Variants in STX8 observed in about 807,000 individuals in gnomAD.
STX8 encodes the protein syntaxin 8, also known as syntaxin-8.
In STX8, 23 loss-of-function variants were observed where a neutral mutation model predicts 37.5. The ratio of observed to expected loss-of-function variants is 0.61; its 90% CI spans 0.44 to 0.87. The LOEUF is 0.87. Among genes scored for constraint, STX8 ranks in the 40% least tolerant of loss-of-function variants. The probability of loss-of-function intolerance (pLI) is 0.00; values close to 1 mark genes in which losing one functional copy is unlikely to be tolerated. For missense variants in STX8, 313 were observed against 284.7 expected, an observed-to-expected ratio of 1.10 and a Z score of -0.71; for synonymous variants, 115 against 99.1, an observed-to-expected ratio of 1.16 and a Z score of -0.95.
chr17:9,418,838 AAG>A (rs1491463892), intron 6 of STX8, among the ~76,000 whole-genome samples: 75 of 128,196 alleles, frequency 5.9e-4, no homozygotes, highest in Middle Eastern at 3.8e-3. Flanking sequence ...AAAAAAAAAA[AAG>A]GGGGGGGGGA....
intron 3 of STX8, among the ~76,000 whole-genome samples, chr17:9,552,269 G>A (rs944103350): frequency 6.6e-6 from 1 of 152,156 alleles, no homozygotes; most frequent in African/African-American, 2.4e-5. Context: ...TTGAGGCCAG[G>A]AATTTGAGGC....
At chr17:9,325,144 A>G (rs1909712818) in intron 7 of STX8, among the ~76,000 whole-genome samples, 1 of 152,178 alleles carries the variant, frequency 6.6e-6, no homozygotes, top group Admixed American at 6.5e-5. Context: ...CACCTTGAAG[A>G]TAGGCTAGGC....
chr17:9,262,783 T>C (rs1697173358), intron 7 of STX8, among the ~76,000 whole-genome samples: 1 of 152,142 alleles, frequency 6.6e-6, no homozygotes, highest in Non-Finnish European at 1.5e-5. Context: ...GGTTTCACCA[T>C]GTTGGCCAGG....
At chr17:9,314,014 G>A (rs1909288974) in intron 7 of STX8, among the ~76,000 whole-genome samples, 1 of 152,068 alleles carries the variant, frequency 6.6e-6, no homozygotes, top group Non-Finnish European at 1.5e-5. Context: ...ACATTTCTCT[G>A]ACATCACTGA....
chr17:9,400,668 G>C (rs890090268), intron 6 of STX8, among the ~76,000 whole-genome samples: 1 of 152,234 alleles, frequency 6.6e-6, no homozygotes, highest in Non-Finnish European at 1.5e-5. Context: ...GCCTCCCAAA[G>C]TGCTGGGATT....
Position 9,548,736 on chromosome 17 carries a change from T to C in STX8, c.213-3454A>G, listed in dbSNP as rs146263601. Among the ~76,000 whole-genome samples, 653 of 152,136 alleles carry C rather than the reference T, an allele frequency of 4.3e-3. 7 individuals are homozygous for C. Among genetic ancestry groups the C allele is most frequent in the Middle Eastern group, 0.037 (11 of 294 alleles). On this transcript the variant is annotated intron_variant, in intron 3 of 7. Coordinates refer to ENST00000306357, the MANE Select transcript of STX8 (RefSeq NM_004853.3). ...ACATGAATTATTTGACATGGAATAA[T>C]CTACAAAATATAACATTAAACCAAA...
intron 7 of STX8, among the ~76,000 whole-genome samples, chr17:9,307,153 TAAATA>T (rs1479665878): frequency 2.6e-5 from 4 of 151,988 alleles, no homozygotes; most frequent in African/African-American, 4.8e-5. Flanking sequence ...AGTAAATAAA[TAAATA>T]AAATGACTCG....
At chr17:9,502,510 G>A (rs1904655539) in intron 5 of STX8, among the ~76,000 whole-genome samples, 1 of 152,102 alleles carries the variant, frequency 6.6e-6, no homozygotes, top group South Asian at 2.1e-4. Context: ...ATTCTACTAT[G>A]TATACATATT....
chr17:9,486,289 T>C lies in STX8; in HGVS notation c.541+5540A>G, dbSNP rs147988669. ...TAGAGAAAAAGGAGAGCCTGGGACA[T>C]TTTATGCTTCCAGAAAGCAAGGAAT... is the stretch of plus-strand genomic sequence containing the variant. On this transcript the variant is annotated intron_variant, in intron 6 of 7. Transcript: ENST00000306357. Among the ~76,000 whole-genome samples the C allele has an allele frequency of 6.8e-4, 103 of 152,280 alleles. No individual in the cohort carries two copies. In the South Asian group the frequency reaches 0.011, roughly 17 times the overall value.
chr17:9,436,745 C>G (rs182145786), intron 6 of STX8, among the ~76,000 whole-genome samples: 2 of 152,322 alleles, frequency 1.3e-5, no homozygotes, highest in South Asian at 2.1e-4. Flanking sequence ...ATGTAGGGAT[C>G]TAGGCAGATT....
rs144225979 is a variant in STX8, at chr17:9,299,969, G to A, written c.644-49324C>T. ...TCGTCAAGATCTTGGAACCTAGGCA[G>A]GGCATGAACATCAATCACCCAAGAT... On this transcript the variant is annotated intron_variant, in intron 7 of 7. Transcript: ENST00000306357. 2.0e-3 allele frequency among the ~76,000 whole-genome samples: 304 copies of A among 152,264 alleles called. 1 individual carries two copies. Among genetic ancestry groups the A allele is most frequent in the African/African-American group, 7.0e-3 (290 of 41,552 alleles).
intron 2 of STX8, among the ~76,000 whole-genome samples, chr17:9,561,566 G>A (rs1907231409): frequency 6.8e-6 from 1 of 147,700 alleles, no homozygotes; most frequent in Non-Finnish European, 1.5e-5. Context: ...CGCTGTGGCA[G>A]GAGAATCGCT....
At chr17:9,461,992 C>T (rs1264794599) in intron 6 of STX8, among the ~76,000 whole-genome samples, 1 of 152,010 alleles carries the variant, frequency 6.6e-6, no homozygotes, top group Admixed American at 6.6e-5. Flanking sequence ...TGACAGGAGG[C>T]GGAGCTCAGG....
intron 6 of STX8, among the ~76,000 whole-genome samples, chr17:9,481,528 C>T (rs975843782): frequency 6.6e-6 from 1 of 152,216 alleles, no homozygotes; most frequent in African/African-American, 2.4e-5. Flanking sequence ...TTCAATAGAT[C>T]TTCCAACCCC....
At chr17:9,496,057 C>T (rs1904385553) in intron 5 of STX8, among the ~76,000 whole-genome samples, 1 of 142,608 alleles carries the variant, frequency 7.0e-6, no homozygotes, top group African/African-American at 2.6e-5. Flanking sequence ...CCATACCATG[C>T]AGTTTCTTTT....
intron 3 of STX8, among the ~76,000 whole-genome samples, chr17:9,546,591 G>GTTT (rs386385626): frequency 0.4 from 20,789 of 52,536 alleles, 3,533 homozygotes; most frequent in East Asian, 0.58. Flanking sequence ...TACAAAAGTG[G>GTTT]TTTTTTTTTT....
rs1175319385 is a variant in STX8, at chr17:9,557,229, C to T, written c.212+205G>A. 5.9e-6 allele frequency: 3 copies of T among 505,466 alleles called. No individual in the cohort carries two copies. The East Asian group carries it at 1.1e-4, about 18-fold the overall frequency. The allele number at this position is 505,466 out of a possible 1,614,324, so 31.3% of individuals were successfully genotyped here. The stretch of plus-strand genomic sequence containing the variant: ...TTATACCCAAATAAGTTAATTCCCT[C>T]GGTAGGTCTTGCTTTGCCAGCATAT... On this transcript the variant is annotated intron_variant, in intron 3 of 7. Transcript: ENST00000306357.
intron 7 of STX8, among the ~76,000 whole-genome samples, chr17:9,337,974 A>G (rs1444227225): frequency 6.6e-6 from 1 of 151,290 alleles, no homozygotes; most frequent in African/African-American, 2.4e-5. Context: ...CTGAGACTAG[A>G]TCCTGCTAGG....
intron 7 of STX8, among the ~76,000 whole-genome samples, chr17:9,332,605 CTTA>C (rs1243862188): frequency 6.6e-6 from 1 of 152,180 alleles, no homozygotes; most frequent in African/African-American, 2.4e-5. Context: ...CTTAAACATT[CTTA>C]TGTTATTCAA....
Sources: allele counts gnomAD v4.1 joint callset (sites outside exome capture counted in the v4.1 genomes callset), GRCh38; gene constraint gnomAD v4.1.1; transcripts MANE v1.5; gene names NCBI Gene and HGNC (gene_info 2026-07-23, HGNC 2026-07-21).